Variants in GNG12 observed in about 807,000 individuals in gnomAD.
GNG12 encodes the protein G protein subunit gamma 12.
For synonymous variants in GNG12, 28 were observed against 29.7 expected (o/e 0.94, Z 0.19); for missense variants, 69 against 83.8 (o/e 0.82, Z 0.69).
At chr1:67,713,138 A>C (rs1456442165) in intron 2 of GNG12, among the ~76,000 whole-genome samples, 1 of 152,172 alleles carries the variant, frequency 6.6e-6, no homozygotes, top group African/African-American at 2.4e-5. Context: ...ATGCAAGCTA[A>C]ACAAGACAGT....
At chr1:67,781,523 G>T (rs978233304) in intron 1 of GNG12, among the ~76,000 whole-genome samples, 2 of 152,104 alleles carry the variant, frequency 1.3e-5, no homozygotes, top group Admixed American at 1.3e-4. Context: ...AAGTAAATAA[G>T]ATCATTTTAA....
At chr1:67,765,832 C>A (rs181462207) in intron 2 of GNG12, among the ~76,000 whole-genome samples, 113 of 152,178 alleles carry the variant, frequency 7.4e-4, no homozygotes, top group African/African-American at 2.6e-3. Flanking sequence ...TAATACATAT[C>A]CAGTTTGTGG....
At chr1:67,823,928 G>T (rs1052538410) in intron 1 of GNG12, among the ~76,000 whole-genome samples, 4 of 152,190 alleles carry the variant, frequency 2.6e-5, no homozygotes, top group East Asian at 1.9e-4. Flanking sequence ...ATAAACCATG[G>T]TACATCCACA....
intron 1 of GNG12, among the ~76,000 whole-genome samples, chr1:67,813,735 A>C (rs2100812314): frequency 6.6e-6 from 1 of 152,328 alleles, no homozygotes; most frequent in South Asian, 2.1e-4. Context: ...AGAATTAATT[A>C]TACTGGAAGA....
chr1:67,792,072 G>C (rs1026873445), intron 1 of GNG12, among the ~76,000 whole-genome samples: 1 of 152,110 alleles, frequency 6.6e-6, no homozygotes, highest in Non-Finnish European at 1.5e-5. Flanking sequence ...TGGGTCAAGC[G>C]TTATCTCCTC....
At chr1:67,755,874 G>C (rs906783631) in intron 2 of GNG12, among the ~76,000 whole-genome samples, 1 of 152,124 alleles carries the variant, frequency 6.6e-6, no homozygotes, top group Non-Finnish European at 1.5e-5. Context: ...GAGATCACTG[G>C]TAGTAAGGTT....
intron 2 of GNG12, among the ~76,000 whole-genome samples, chr1:67,768,884 A>G (rs756016006): frequency 1.8e-4 from 28 of 152,212 alleles, no homozygotes; most frequent in Non-Finnish European, 3.1e-4. Flanking sequence ...GCAAATCACC[A>G]TATGCTTTTA....
chr1:67,796,234 G>A (rs907634746), intron 1 of GNG12, among the ~76,000 whole-genome samples: 10 of 152,144 alleles, frequency 6.6e-5, no homozygotes, highest in African/African-American at 2.2e-4. Flanking sequence ...ATTATCCCCA[G>A]TGTCTGAATG....
chr1:67,786,924 C>CTT (rs1557617278), intron 1 of GNG12, among the ~76,000 whole-genome samples: 5 of 89,458 alleles, frequency 5.6e-5, no homozygotes, highest in South Asian at 4.0e-4. Context: ...GTAACAGAGA[C>CTT]TTATATATAT....
chr1:67,761,796 G>T (rs965473751), intron 2 of GNG12, among the ~76,000 whole-genome samples: 1 of 152,112 alleles, frequency 6.6e-6, no homozygotes, highest in Non-Finnish European at 1.5e-5. Flanking sequence ...GTCGGGTGAG[G>T]GAGGGTGCAG....
intron 2 of GNG12, among the ~76,000 whole-genome samples, chr1:67,723,139 G>A (rs1014345857): frequency 3.9e-5 from 6 of 152,208 alleles, no homozygotes; most frequent in African/African-American, 1.4e-4. Context: ...AGCTGGATGT[G>A]AGAGCTGTGA....
intron 2 of GNG12, among the ~76,000 whole-genome samples, chr1:67,759,058 A>G (rs1646587130): frequency 6.6e-6 from 1 of 152,228 alleles, no homozygotes; most frequent in Non-Finnish European, 1.5e-5. Flanking sequence ...AACAAAAGAT[A>G]AATGTCTGAG....
At chr1:67,724,440 A>G (rs1646374518) in intron 2 of GNG12, among the ~76,000 whole-genome samples, 1 of 152,184 alleles carries the variant, frequency 6.6e-6, no homozygotes, top group Admixed American at 6.5e-5. Context: ...GCCAGGCTGG[A>G]GTGCAGTGGC....
chr1:67,709,765 C>T lies in GNG12; in HGVS notation c.-26-2053G>A, dbSNP rs536368824. ...GAAATGCAACTGAGGAAGTAGGCAA[C>T]CTCACCCTGAACAGTGTGCAGTGCT... On this transcript the variant is annotated intron_variant, in intron 2 of 3. Transcript: ENST00000370982. Among the ~76,000 whole-genome samples the T allele has an allele frequency of 9.1e-5, 13 of 143,502 alleles. No homozygotes were observed. In the East Asian group the frequency reaches 2.6e-3, roughly 29 times the overall value. 94.1% of individuals were successfully genotyped at this position (143,502 alleles called of 152,430 possible).
intron 1 of GNG12, among the ~76,000 whole-genome samples, chr1:67,825,065 C>G (rs1647004114): frequency 6.6e-6 from 1 of 152,152 alleles, no homozygotes; most frequent in Non-Finnish European, 1.5e-5. Flanking sequence ...AAAAAGAGGG[C>G]AAGGCATGTG....
intron 2 of GNG12, among the ~76,000 whole-genome samples, chr1:67,729,905 C>A (rs1200849822): frequency 6.6e-6 from 1 of 152,170 alleles, no homozygotes; most frequent in Non-Finnish European, 1.5e-5. Flanking sequence ...TTATCCTCCT[C>A]AAAAATCAAC....
intron 3 of GNG12, among the ~76,000 whole-genome samples, 163 bp from the exon 4 acceptor site, chr1:67,705,739 T>A (rs942944514): frequency 6.6e-6 from 1 of 152,222 alleles, no homozygotes; most frequent in East Asian, 1.9e-4. Context: ...AAAAAGGAAA[T>A]GGTACCTTTA....
chr1:67,727,894 T>C (rs1042952417), intron 2 of GNG12, among the ~76,000 whole-genome samples: 1 of 152,214 alleles, frequency 6.6e-6, no homozygotes, highest in Admixed American at 6.5e-5. Flanking sequence ...TTGCAGTTAA[T>C]TGGAAAAAAC....
intron 2 of GNG12, among the ~76,000 whole-genome samples, chr1:67,732,859 G>T (rs1646428727): frequency 1.3e-5 from 2 of 152,326 alleles, no homozygotes; most frequent in South Asian, 4.1e-4. Flanking sequence ...GATAGCTACT[G>T]CCCTCCTGGC....
Sources: gnomAD v4.1 joint callset for allele counts (sites outside exome capture counted in the v4.1 genomes callset) on GRCh38, gnomAD v4.1.1 for gene constraint, MANE v1.5 for transcripts, NCBI Gene and HGNC (gene_info 2026-07-23, HGNC 2026-07-21) for gene names.